The following PPFIBP2 variants were observed in gnomAD, a reference collection of about 807,000 sequenced individuals.
PPFIBP2 encodes liprin-beta-2.
A neutral mutation model predicts 118.3 loss-of-function variants in PPFIBP2; 118 were observed. The ratio of observed to expected loss-of-function variants is 1.00; its 90% CI spans 0.86 to 1.16. The LOEUF (loss-of-function observed/expected upper bound fraction) is 1.16, where lower values mean the gene tolerates loss of function less well. PPFIBP2 is among the 50% of genes most tolerant of loss of function. The pLI is 0.00. For synonymous variants in PPFIBP2, 414 were observed against 397.4 expected, an observed-to-expected ratio of 1.04 and a Z score of -0.50; for missense variants, 1,195 against 1,073.1, an observed-to-expected ratio of 1.11 and a Z score of -1.59.
intron 1 of PPFIBP2, among the ~76,000 whole-genome samples, chr11:7,543,821 A>G (rs190129806): frequency 6.6e-6 from 1 of 152,336 alleles, no homozygotes; most frequent in East Asian, 1.9e-4. Context: ...ATACCAGATG[A>G]TGGGGTTCAA....
At chr11:7,617,682 A>ATT (rs138574687) in intron 6 of PPFIBP2, among the ~76,000 whole-genome samples, 7 of 150,084 alleles carry the variant, frequency 4.7e-5, no homozygotes, top group African/African-American at 9.7e-5. Context: ...GTTTCACATG[A>ATT]TTTTTTTTTT....
intron 22 of PPFIBP2, chr11:7,651,323 C>A: frequency 2.9e-6 from 1 of 350,028 alleles, no homozygotes. Context: ...TATCACTACT[C>A]AGATCTGTCA....
At chr11:7,659,507 A>G (rs1854846574), downstream of PPFIBP2, among the ~76,000 whole-genome samples, 2 of 149,956 alleles carry the variant, frequency 1.3e-5, no homozygotes, top group Admixed American at 6.7e-5. Flanking sequence ...ATTGATCTAT[A>G]TCTCTGTTTT....
At chr11:7,580,715 G>T (rs1857139411) in intron 3 of PPFIBP2, among the ~76,000 whole-genome samples, 2 of 152,294 alleles carry the variant, frequency 1.3e-5, no homozygotes, top group South Asian at 4.1e-4. Context: ...TATCTCAAAA[G>T]TCTGGATTTC....
intron 5 of PPFIBP2, chr11:7,605,634 G>T: frequency 9.7e-7 from 1 of 1,032,466 alleles, no homozygotes; most frequent in Non-Finnish European, 1.2e-6. Context: ...GAATACAATT[G>T]GAATGACTCA....
chr11:7,610,686 G>T (rs959638371), intron 6 of PPFIBP2, among the ~76,000 whole-genome samples: 2 of 152,174 alleles, frequency 1.3e-5, no homozygotes, highest in African/African-American at 4.8e-5. Flanking sequence ...AGCAATAGTT[G>T]GGGAAGAATA....
intron 20 of PPFIBP2, 144 bp from the exon 21 acceptor site, chr11:7,649,388 A>T: frequency 7.8e-7 from 1 of 1,284,558 alleles, no homozygotes; most frequent in Non-Finnish European, 1.1e-6. Flanking sequence ...GCAGAGTACA[A>T]ACCACTGTGA....
intron 1 of PPFIBP2, among the ~76,000 whole-genome samples, chr11:7,538,650 G>A (rs146914516): frequency 1.1e-3 from 172 of 152,336 alleles, no homozygotes; most frequent in Admixed American, 4.0e-3. Flanking sequence ...CTTCCAGTGG[G>A]TTCAGCAGAA....
chr11:7,542,316 T>C (rs1198860133), intron 1 of PPFIBP2, among the ~76,000 whole-genome samples: 1 of 152,246 alleles, frequency 6.6e-6, no homozygotes, highest in South Asian at 2.1e-4. Flanking sequence ...ATATGGTAAC[T>C]AAAGAGGAGA....
In PPFIBP2 at chr11:7,529,233, G is replaced by T. The variant is rs183653786; in HGVS notation, c.-37+15112G>T. Among the ~76,000 whole-genome samples the T allele has an allele frequency of 1.4e-3, 208 of 152,086 alleles. 1 individual carries two copies. Among genetic ancestry groups the T allele is most frequent in the African/African-American group, 4.5e-3 (185 of 41,482 alleles). ...GAGAACCCGTTAAAGGCTCTTCCAG[G>T]GTCACAAATCCAGTCCTCAAATGTT... On this transcript the variant is annotated intron_variant, in intron 1 of 23. Transcript: ENST00000299492.
chr11:7,587,998 T>G (rs1405601761), intron 3 of PPFIBP2, among the ~76,000 whole-genome samples: 6 of 152,234 alleles, frequency 3.9e-5, no homozygotes, highest in Admixed American at 3.9e-4. Context: ...ATTTGGCTGA[T>G]CTAGGGTTCG....
At chr11:7,541,934 TG>T (rs1851831107) in intron 1 of PPFIBP2, among the ~76,000 whole-genome samples, 1 of 152,344 alleles carries the variant, frequency 6.6e-6, no homozygotes, top group East Asian at 1.9e-4. Context: ...GTAAATCTTA[TG>T]GGCTTTGTCC....
chr11:7,637,903 G>C (rs1422771311), intron 14 of PPFIBP2, among the ~76,000 whole-genome samples: 1 of 152,108 alleles, frequency 6.6e-6, no homozygotes, highest in Non-Finnish European at 1.5e-5. Flanking sequence ...GCTCCTCAGG[G>C]AGCTCCCCGG....
intron 2 of PPFIBP2, among the ~76,000 whole-genome samples, chr11:7,564,552 C>G (rs1234445929): frequency 6.6e-6 from 1 of 152,236 alleles, no homozygotes; most frequent in African/African-American, 2.4e-5. Flanking sequence ...TAATTGTCAT[C>G]TAGTGCTGTG....
chr11:7,550,463 G>A (rs1215351368), intron 2 of PPFIBP2, among the ~76,000 whole-genome samples: 3 of 152,180 alleles, frequency 2.0e-5, no homozygotes, highest in African/African-American at 2.4e-5. Context: ...GGCTCTTGGT[G>A]TTTGAGCCTG....
chr11:7,582,081 G>C (rs1035359677), intron 3 of PPFIBP2, among the ~76,000 whole-genome samples: 6 of 151,788 alleles, frequency 4.0e-5, no homozygotes, highest in African/African-American at 1.5e-4. Context: ...CAGATGATGC[G>C]CCCGCCTCAG....
chr11:7,518,259 C>A (rs117529954), intron 1 of PPFIBP2, among the ~76,000 whole-genome samples: 236 of 152,198 alleles, frequency 1.6e-3, no homozygotes, highest in Non-Finnish European at 2.7e-3. Flanking sequence ...GGAGATGAAC[C>A]GAAGGTTTAA....
At chr11:7,527,913 A>G (rs1348234654) in intron 1 of PPFIBP2, among the ~76,000 whole-genome samples, 1 of 152,204 alleles carries the variant, frequency 6.6e-6, no homozygotes, top group Non-Finnish European at 1.5e-5. Context: ...AGTACCCATC[A>G]TGCATCAGGC....
At chr11:7,514,191 C>T (rs1849031464) in intron 1 of PPFIBP2, 70 bp downstream of exon 1, 1 of 152,274 alleles carries the variant, frequency 6.6e-6, no homozygotes. Context: ...GGGAGCATTA[C>T]CTAGGGAGTG....
Sources: gnomAD v4.1 joint callset for allele counts (sites outside exome capture counted in the v4.1 genomes callset) on GRCh38, gnomAD v4.1.1 for gene constraint, MANE v1.5 for transcripts, NCBI Gene and HGNC (gene_info 2026-07-23, HGNC 2026-07-21) for gene names.